DHRS12: variants seen among roughly 807,000 people sequenced by gnomAD.
The protein encoded by DHRS12 is dehydrogenase/reductase 12.
In DHRS12, 29 loss-of-function variants were observed where a neutral mutation model predicts 32.1. The observed-to-expected ratio is 0.90, with a 90% CI of 0.67 to 1.23. The LOEUF (loss-of-function observed/expected upper bound fraction) is 1.23. Ranked by LOEUF, DHRS12 falls within the 50% of genes most tolerant of loss-of-function variation. The probability of loss-of-function intolerance (pLI) is 0.00; values close to 1 mark genes in which losing one functional copy is unlikely to be tolerated. For missense variants in DHRS12, 330 were observed against 337.2 expected (o/e 0.98, Z 0.17); for synonymous variants, 150 against 135.9 (o/e 1.10, Z -0.72).
At chr13:51,802,213 ACACAC>A (rs1297677197) in intron 1 of DHRS12, among the ~76,000 whole-genome samples, 101 of 97,660 alleles carry the variant, frequency 1.0e-3, no homozygotes, top group East Asian at 5.3e-3. Flanking sequence ...ACACACACAC[ACACAC>A]GACTTTCCCA....
chr13:51,783,627 C>G (rs1238457998), intron 4 of DHRS12, among the ~76,000 whole-genome samples: 1 of 152,190 alleles, frequency 6.6e-6, no homozygotes. Context: ...CAGCCACTCA[C>G]ATTCCCTCTG....
intron 1 of DHRS12, chr13:51,803,402 C>A (rs1282701259): frequency 6.6e-6 from 1 of 152,222 alleles, no homozygotes. Context: ...TGAGAACCAG[C>A]GGTTAGCCTA....
rs991698301 is a variant in DHRS12 at position 51,769,166 on chromosome 13, G to A, written c.687C>T (p.Arg229=). ...CAGGGAGGAAGTCACCTTGAAAGAA[G>A]CGGCCGCTGGGCTGTGCGGCTGCGG... ...SSAAAAQPSG[R]FFQDRKPVST... Residue 229 remains arginine (R), a synonymous_variant, in exon 8 of 9, where the codon CGC becomes CGT. Transcript: ENST00000444610. The A allele has an allele frequency of 1.9e-6, 3 of 1,550,028 alleles. No homozygotes were observed. The African/African-American group carries it at 4.1e-5, about 21-fold the overall frequency.
At chr13:51,758,290 A>G in the DHRS12 span, 3 of 1,587,334 alleles carry the variant, frequency 1.9e-6, no homozygotes, top group South Asian at 2.3e-5. Flanking sequence ...GGAACTGACA[A>G]GGTTATTAAG....
intron 4 of DHRS12, among the ~76,000 whole-genome samples, chr13:51,779,381 C>G (rs1954598087): frequency 6.6e-6 from 1 of 152,190 alleles, no homozygotes; most frequent in South Asian, 2.1e-4. Flanking sequence ...ACAAACAAAG[C>G]AAACAGTCTT....
intron 8 of DHRS12, chr13:51,768,780 T>A: frequency 1.7e-6 from 2 of 1,161,892 alleles, no homozygotes; most frequent in South Asian, 2.7e-5. Flanking sequence ...AGAAGCAGAG[T>A]CCCTTACACC....
chr13:51,765,619 C>G (rs986893870), downstream of DHRS12: 1 of 152,182 alleles, frequency 6.6e-6, no homozygotes, highest in Non-Finnish European at 1.5e-5. Context: ...GTGACCTGCC[C>G]GCATATTGCT....
intron 2 of DHRS12, among the ~76,000 whole-genome samples, chr13:51,797,646 C>T (rs937357670): frequency 6.6e-6 from 1 of 152,176 alleles, no homozygotes; most frequent in East Asian, 1.9e-4. Flanking sequence ...CCACTTATCC[C>T]CTTGTCAAAC....
Position 51,773,954 on chromosome 13 carries a change from TC to T in DHRS12, c.443del (p.Gly148GlufsTer15). The T allele has an allele frequency of 1.7e-5, 28 of 1,614,084 alleles. No individual in the cohort carries two copies. The highest frequency in any genetic ancestry group is 2.4e-5 in the Non-Finnish European group (28 of 1,179,952). ...DLQSERTPFD[G>X]TMVYAQNKRQ... ...CCTTGTTTTGTGCATAGACCATAGT[TC>T]CATCAAATGGTGTTCTTTCGGACTG... On this transcript the variant is annotated frameshift_variant, in exon 6 of 9. Coordinates refer to ENST00000444610, the MANE Select transcript of DHRS12 (RefSeq NM_001377533.1). LOFTEE classifies it high-confidence loss of function.
chr13:51,798,788 A>G (rs1262859102), intron 2 of DHRS12, among the ~76,000 whole-genome samples: 2 of 152,196 alleles, frequency 1.3e-5, no homozygotes, highest in South Asian at 4.1e-4. Context: ...CTAGTTCCCC[A>G]CCTTCTGCTG....
chr13:51,798,858 C>T (rs1955627532), intron 2 of DHRS12, among the ~76,000 whole-genome samples: 1 of 152,248 alleles, frequency 6.6e-6, no homozygotes, highest in South Asian at 2.1e-4. Flanking sequence ...CTAGCCACTG[C>T]AGAGCCATTT....
At position 51,768,259 on chromosome 13, in the gene DHRS12, T is replaced by C. The variant is rs1953841271; in HGVS notation, c.735A>G (p.Thr245=). The C allele has an allele frequency of 1.3e-6, 2 of 1,536,128 alleles. No individual in the cohort carries two copies. Among genetic ancestry groups the C allele is most frequent in the African/African-American group, 1.4e-5 (1 of 73,178 alleles). Residue 245 remains threonine, a synonymous_variant, in exon 9 of 9, where the codon ACA becomes ACG. Transcript: ENST00000444610. Reference sequence around the variant, plus strand: ...CCTCTTCGGCCGGTGAGGAGGACGCTGTAGCGAGAGGCAAGTGTGTAGAAA... The same window carrying C: ...CCTCTTCGGCCGGTGAGGAGGACGCCGTAGCGAGAGGCAAGTGTGTAGAAA... ...KPVSTHLPLA[T]ASSSPAEEEK...
chr13:51,793,215 G>C (rs1279734140), intron 2 of DHRS12, among the ~76,000 whole-genome samples: 2 of 152,158 alleles, frequency 1.3e-5, no homozygotes, highest in African/African-American at 4.8e-5. Context: ...TCTGTACCCA[G>C]TACCTAAGTC....
In DHRS12 at chr13:51,776,404, C is replaced by T. The variant is rs78529976; in HGVS notation, c.363+656G>A. ...TTCCATAGTCACTTCTCCTCTGACT[C>T]GCACCCTCCTCCTTCCCTCCCATGA... On this transcript the variant is annotated intron_variant, in intron 5 of 8. Transcript: ENST00000444610. The T allele has an allele frequency of 7.1e-3, 1,077 of 152,714 alleles. 18 individuals carry two copies. The East Asian group carries it at 0.078, about 11-fold the overall frequency. 9.5% of individuals were successfully genotyped at this position (152,714 alleles called of 1,614,324 possible). A position where few individuals can be genotyped will look rare whatever the true frequency, so the allele number is the denominator to read the frequency against.
At chr13:51,779,207 C>T (rs1174016430) in intron 4 of DHRS12, among the ~76,000 whole-genome samples, 1 of 152,182 alleles carries the variant, frequency 6.6e-6, no homozygotes, top group Non-Finnish European at 1.5e-5. Flanking sequence ...GTCATTAACA[C>T]GTGAGCCAAC....
intron 4 of DHRS12, among the ~76,000 whole-genome samples, chr13:51,787,070 T>C (rs1180487632): frequency 6.6e-6 from 1 of 152,210 alleles, no homozygotes; most frequent in Non-Finnish European, 1.5e-5. Flanking sequence ...CTGGCATGCC[T>C]CTTTGTGTAT....
the DHRS12 span, among the ~76,000 whole-genome samples, chr13:51,756,909 CAGTT>C: frequency 1.3e-5 from 2 of 152,166 alleles, no homozygotes; most frequent in African/African-American, 2.4e-5. Context: ...CCCAGTTGCC[CAGTT>C]ACTCAGCTGG....
chr13:51,763,135 G>A (rs941208615), downstream of DHRS12: 1 of 152,186 alleles, frequency 6.6e-6, no homozygotes, highest in Non-Finnish European at 1.5e-5. Context: ...ATATGGCTGA[G>A]ATGTAAACAA....
Position 51,791,276 on chromosome 13 carries a change from A to T in DHRS12, c.127-19T>A. 1.4e-6 allele frequency: 2 copies of T among 1,402,910 alleles called. No homozygotes were observed. Among genetic ancestry groups the T allele is most frequent in the Non-Finnish European group, 1.9e-6 (2 of 1,040,082 alleles). 86.9% of individuals were successfully genotyped at this position (1,402,910 alleles called of 1,614,324 possible). On this transcript the variant is annotated intron_variant, in intron 2 of 8. Coordinates refer to ENST00000444610, the MANE Select transcript of DHRS12 (RefSeq NM_001377533.1). Reference sequence around the variant, plus strand: ...AAATGTTCTAAATTAGAAAGCAAAAAAAAAAAAAACCCTTTTTAAAAAGAT... The same window carrying T: ...AAATGTTCTAAATTAGAAAGCAAAATAAAAAAAAACCCTTTTTAAAAAGAT...
Sources: gnomAD v4.1 joint callset for allele counts (sites outside exome capture counted in the v4.1 genomes callset) on GRCh38, gnomAD v4.1.1 for gene constraint, MANE v1.5 for transcripts, NCBI Gene and HGNC (gene_info 2026-07-23, HGNC 2026-07-21) for gene names.